ZNF385D: variants seen among roughly 807,000 people sequenced by gnomAD.
The protein encoded by ZNF385D is zinc finger protein 385D.
In ZNF385D, 15 loss-of-function variants were observed where a neutral mutation model predicts 35.8. The observed-to-expected ratio is 0.42, with a 90% confidence interval of 0.28 to 0.64. ZNF385D has a LOEUF of 0.64. Ranked by LOEUF, ZNF385D falls within the 30% of genes least tolerant of loss-of-function variation. ZNF385D has a pLI of 0.23. For missense variants in ZNF385D, 474 were observed against 494.6 expected (o/e 0.96, Z 0.39); for synonymous variants, 212 against 186.8 (o/e 1.13, Z -1.10).
At chr3:22,141,404 T>C (rs1704496244) in intron 3 of ZNF385D, among the ~76,000 whole-genome samples, 1 of 152,220 alleles carries the variant, frequency 6.6e-6, no homozygotes, top group South Asian at 2.1e-4. Flanking sequence ...TGAAAGAATA[T>C]GAATTGTTTT....
intron 5 of ZNF385D, among the ~76,000 whole-genome samples, chr3:21,432,316 C>A (rs1252446631): frequency 1.3e-5 from 2 of 152,062 alleles, no homozygotes; most frequent in Non-Finnish European, 2.9e-5. Context: ...AAGTTTAGAA[C>A]CCTCTGAGCA....
At chr3:21,956,844 T>C (rs140226275) in intron 3 of ZNF385D, among the ~76,000 whole-genome samples, 2 of 151,892 alleles carry the variant, frequency 1.3e-5, no homozygotes, top group African/African-American at 2.4e-5. Flanking sequence ...ATTTATCCTG[T>C]GATCCACAGT....
At chr3:22,130,432 G>T (rs751522878) in intron 3 of ZNF385D, among the ~76,000 whole-genome samples, 20 of 152,104 alleles carry the variant, frequency 1.3e-4, no homozygotes, top group Non-Finnish European at 1.9e-4. Context: ...AACCCATTGT[G>T]CTTTAGCCCA....
chr3:21,832,511 A>T, intron 3 of ZNF385D, among the ~76,000 whole-genome samples: 1 of 152,214 alleles, frequency 6.6e-6, no homozygotes, highest in Non-Finnish European at 1.5e-5. Flanking sequence ...GATTACAGAA[A>T]GTTGTACTAT....
intron 1 of ZNF385D, among the ~76,000 whole-genome samples, chr3:21,746,799 C>G (rs1292460004): frequency 6.6e-6 from 1 of 152,156 alleles, no homozygotes; most frequent in East Asian, 1.9e-4. Flanking sequence ...GAATGTTTTT[C>G]TCTGCTGCCT....
chr3:22,084,211 G>T (rs970250282), intron 3 of ZNF385D, among the ~76,000 whole-genome samples: 4 of 152,162 alleles, frequency 2.6e-5, no homozygotes, highest in Non-Finnish European at 4.4e-5. Flanking sequence ...CATAATGACA[G>T]GATCAAATTC....
intron 2 of ZNF385D, among the ~76,000 whole-genome samples, chr3:22,254,280 A>C (rs548529834): frequency 1.3e-5 from 2 of 152,026 alleles, no homozygotes; most frequent in Admixed American, 1.3e-4. Context: ...ATGCAAATTA[A>C]AGCAAGAGAT....
Position 22,172,474 on chromosome 3 carries a change from A to G in ZNF385D, c.107-3439T>C, listed in dbSNP as rs562147755. Among the ~76,000 whole-genome samples, 407 of 152,342 alleles carry G rather than the reference A, an allele frequency of 2.7e-3. 1 individual carries two copies. Among genetic ancestry groups the G allele is most frequent in the Middle Eastern group, 0.02 (6 of 294 alleles). ...GGATGCAATGTGGTTCTTGCAGTTG[A>G]TTTATTTAGTGCACTGTTCTGACGT... On this transcript the variant is annotated intron_variant, in intron 2 of 5. Transcript: ENST00000494108.
intron 1 of ZNF385D, among the ~76,000 whole-genome samples, chr3:21,665,920 T>C (rs1053583949): frequency 6.6e-6 from 1 of 152,162 alleles, no homozygotes; most frequent in Admixed American, 6.5e-5. Flanking sequence ...AGGAAACTGT[T>C]AAAATATGCC....
At chr3:21,427,079 C>T (rs554592838) in intron 5 of ZNF385D, among the ~76,000 whole-genome samples, 1 of 152,218 alleles carries the variant, frequency 6.6e-6, no homozygotes, top group South Asian at 2.1e-4. Context: ...GACTGTGATG[C>T]TTCACGGGAG....
intron 1 of ZNF385D, among the ~76,000 whole-genome samples, chr3:21,750,248 C>T (rs1403384159): frequency 6.6e-6 from 1 of 152,210 alleles, no homozygotes; most frequent in Non-Finnish European, 1.5e-5. Flanking sequence ...GAAATGCAGG[C>T]AGCTCAACTG....
At chr3:22,006,542 T>C (rs976267796) in intron 3 of ZNF385D, among the ~76,000 whole-genome samples, 2 of 151,834 alleles carry the variant, frequency 1.3e-5, no homozygotes, top group African/African-American at 2.4e-5. Context: ...CAGGAAAAGA[T>C]AGGAAAGATA....
intron 1 of ZNF385D, among the ~76,000 whole-genome samples, chr3:21,697,566 T>C (rs1181475053): frequency 6.6e-6 from 1 of 151,956 alleles, no homozygotes; most frequent in East Asian, 1.9e-4. Flanking sequence ...TGTAACTAAG[T>C]ACTCAAAAGC....
intron 3 of ZNF385D, among the ~76,000 whole-genome samples, chr3:21,976,882 G>T (rs570003566): frequency 1.3e-5 from 2 of 152,254 alleles, no homozygotes; most frequent in Admixed American, 6.5e-5. Flanking sequence ...CAGCTACTTG[G>T]GAGGCTGAGG....
intron 3 of ZNF385D, chr3:21,777,600 T>C (rs1372432424): frequency 6.6e-6 from 1 of 151,956 alleles, no homozygotes; most frequent in Admixed American, 6.6e-5. Context: ...ATTTGTGAAG[T>C]TGCTTACATA....
intron 3 of ZNF385D, among the ~76,000 whole-genome samples, chr3:21,852,253 C>T (rs1019753208): frequency 2.0e-5 from 3 of 151,842 alleles, no homozygotes; most frequent in Non-Finnish European, 2.9e-5. Context: ...CATTGGGTTG[C>T]ACATCTCTAA....
intron 2 of ZNF385D, among the ~76,000 whole-genome samples, chr3:22,238,681 T>A (rs1042282543): frequency 3.3e-5 from 5 of 150,996 alleles, no homozygotes; most frequent in African/African-American, 1.2e-4. Flanking sequence ...TAATGGTTTA[T>A]GTGTATGTAT....
chr3:22,228,517 A>C lies in ZNF385D; in HGVS notation c.107-59482T>G, dbSNP rs530127591. Among the ~76,000 whole-genome samples, 3 of 152,324 alleles carry C rather than the reference A, an allele frequency of 2.0e-5. No individual in the cohort carries two copies. The South Asian group carries it at 6.2e-4, about 32-fold the overall frequency. On this transcript the variant is annotated intron_variant, in intron 2 of 5. Transcript: ENST00000494108. ...CTGCCACTCCCCATAATACCAGGTA[A>C]TCCAGGGAATAAAAGCTTTTGGTTA...
In ZNF385D at chr3:22,082,986, C is replaced by A. The variant is rs140805748; in HGVS notation, c.325+85831G>T. ...TCCAACAGACCTGCAGCTGAGGATGCTGACTGTTAGAAGAAAAACTTAACA... is the reference window on the plus strand; with the variant it reads ...TCCAACAGACCTGCAGCTGAGGATGATGACTGTTAGAAGAAAAACTTAACA... On this transcript the variant is annotated intron_variant, in intron 3 of 5. Coordinates refer to the ZNF385D transcript ENST00000494108. Among the ~76,000 whole-genome samples the A allele has an allele frequency of 6.8e-4, 103 of 152,280 alleles. 1 individual carries two copies. In the East Asian group the frequency reaches 0.02, roughly 29 times the overall value.
Sources: gnomAD v4.1 joint callset for allele counts (sites outside exome capture counted in the v4.1 genomes callset) on GRCh38, gnomAD v4.1.1 for gene constraint, MANE v1.5 for transcripts, NCBI Gene and HGNC (gene_info 2026-07-23, HGNC 2026-07-21) for gene names.